Variants in PTPRN observed in about 807,000 individuals in gnomAD.
The protein encoded by PTPRN is receptor-type tyrosine-protein phosphatase-like N.
In PTPRN, 70 loss-of-function variants were observed where a neutral mutation model predicts 108.5. The observed-to-expected ratio is 0.65, with a 90% CI of 0.53 to 0.79. The LOEUF is 0.79. Among genes scored for constraint, PTPRN ranks in the 30% least tolerant of loss-of-function variants. The pLI, the probability that PTPRN is intolerant of heterozygous loss-of-function variation, is 0.00. For missense variants in PTPRN, 1,136 were observed against 1,295.5 expected (o/e 0.88, Z 1.89); for synonymous variants, 496 against 524.6 (o/e 0.95, Z 0.75).
Position 219,290,878 on chromosome 2 carries a change from C to T in PTPRN, c.2742G>A (p.Gly914=). The T allele has an allele frequency of 1.2e-6, 2 of 1,613,952 alleles. No individual in the cohort carries two copies. Among genetic ancestry groups the T allele is most frequent in the Non-Finnish European group, 1.7e-6 (2 of 1,179,864 alleles). ...CGATGAGGATGTAGGTGCCGGTCCT[C>T]CCCGCACCATCACTGAAACAGGAGT... ...PIIVHCSDGA[G]RTGTYILIDM... The change falls in exon 21 of 23, where the codon GGG becomes GGA. Residue 914 remains glycine, a synonymous_variant. Transcript: ENST00000295718. The surrounding 1 kb of genome is among the most constrained non-coding windows in gnomAD (Gnocchi z 4.2).
chr2:219,308,889 G>T (rs1353322897), intron 1 of PTPRN: 2 of 1,351,046 alleles, frequency 1.5e-6, no homozygotes, highest in Admixed American at 2.2e-5. Flanking sequence ...CACCTCCCAG[G>T]CGCCTCGGAG....
At chr2:219,300,840 G>A (rs1952327859) in intron 8 of PTPRN, 103 bp downstream of exon 8, 1 of 1,331,128 alleles carries the variant, frequency 7.5e-7, no homozygotes, top group Admixed American at 1.8e-5. Context: ...AAAATGAGGG[G>A]TGGGAGGATA....
chr2:219,290,450 T>G lies in PTPRN; in HGVS notation c.2868+88A>C. ...GAGGCGCAGAAGCAGGTGGGAAAGG[T>G]TGGCAGCTGCTGCTTTCCCTGGGGT... On this transcript the variant is annotated intron_variant, in intron 22 of 22. Coordinates refer to ENST00000295718, the MANE Select transcript of PTPRN (RefSeq NM_002846.4). The surrounding 1 kb of genome is among the most constrained non-coding windows in gnomAD (Gnocchi z 4.2). 7.0e-7 allele frequency: 1 copy of G among 1,422,420 alleles called. No individual in the cohort carries two copies. The highest frequency in any genetic ancestry group is 2.0e-5 in the Admixed American group (1 of 50,372). The allele number at this position is 1,422,420 out of a possible 1,614,324, so 88.1% of individuals were successfully genotyped here.
Position 219,296,031 on chromosome 2 carries a change from CAT to C in PTPRN, c.2508+193_2508+194del, listed in dbSNP as rs1269683675. 60 of 715,780 alleles carry C rather than the reference CAT, an allele frequency of 8.4e-5. No homozygotes were observed. Among genetic ancestry groups the C allele is most frequent in the Middle Eastern group, 7.0e-4 (2 of 2,838 alleles). 44.3% of individuals were successfully genotyped at this position (715,780 alleles called of 1,614,324 possible). On this transcript the variant is annotated intron_variant, in intron 18 of 22. Coordinates refer to ENST00000295718, the MANE Select transcript of PTPRN (RefSeq NM_002846.4). This position sits in a 1 kb window ranked among gnomAD's most constrained non-coding sequence, Gnocchi z 6.0. The stretch of plus-strand genomic sequence containing the variant: ...GTATGTTCTGTAAACAGGACACACA[CAT>C]GTATATATGTGAATATATGGGTATG...
In PTPRN at chr2:219,302,321, G is replaced by A. The variant is rs879524876; in HGVS notation, c.810C>T (p.Ala270=). 1 of 1,613,894 alleles carries A rather than the reference G, an allele frequency of 6.2e-7. No homozygotes were observed. The highest frequency in any genetic ancestry group is 1.7e-5 in the Admixed American group (1 of 59,982). Residue 270 remains alanine, a synonymous_variant, in exon 6 of 23, where the codon GCC becomes GCT. Coordinates refer to ENST00000295718, the MANE Select transcript of PTPRN (RefSeq NM_002846.4). ...SYGDLPGPSP[A]QLFQDSGLLY... is the part of the protein sequence containing the mutation. ...GCAGCCCAGAGTCTTGAAAAAGCTG[G>A]GCAGGTGAAGGCCCTGGAAGGTCCC...
chr2:219,290,755 C>G lies in PTPRN; in HGVS notation c.2794+71G>C, dbSNP rs970057946. Reference sequence around the variant, plus strand: ...TGACAACCTGCTCCTTCTGAGCTCCCAGGACCCTGTGTGCTGGGGAGCCTC... The same window carrying G: ...TGACAACCTGCTCCTTCTGAGCTCCGAGGACCCTGTGTGCTGGGGAGCCTC... On this transcript the variant is annotated intron_variant, in intron 21 of 22. Coordinates refer to ENST00000295718, the MANE Select transcript of PTPRN (RefSeq NM_002846.4). The surrounding 1 kb of genome is among the most constrained non-coding windows in gnomAD (Gnocchi z 4.2). 15 of 1,552,668 alleles carry G rather than the reference C, an allele frequency of 9.7e-6. No homozygotes were observed. Among genetic ancestry groups the G allele is most frequent in the East Asian group, 2.2e-5 (1 of 44,510 alleles).
chr2:219,294,759 C>T (rs953964123), intron 19 of PTPRN, among the ~76,000 whole-genome samples: 2 of 152,146 alleles, frequency 1.3e-5, no homozygotes, highest in Admixed American at 6.5e-5. Context: ...GCGGCCGGCG[C>T]GGAGCTGGCC....
chr2:219,293,262 C>A (rs1398979185), intron 19 of PTPRN, among the ~76,000 whole-genome samples: 1 of 152,174 alleles, frequency 6.6e-6, no homozygotes, highest in Non-Finnish European at 1.5e-5. Flanking sequence ...CTCACTGCAA[C>A]TGCTGCCTCC....
chr2:219,302,871 G>T (rs368221291), intron 4 of PTPRN, 34 bp from the exon 5 acceptor site: 30 of 1,596,352 alleles, frequency 1.9e-5, no homozygotes, highest in Non-Finnish European at 2.5e-5. Context: ...GTGTTGGAGC[G>T]GGGGAAAGGG....
At chr2:219,298,976 GT>G in intron 12 of PTPRN, 70 bp downstream of exon 12, 1 of 1,575,108 alleles carries the variant, frequency 6.3e-7, no homozygotes, top group Admixed American at 1.7e-5. Flanking sequence ...CTCCCCTCTG[GT>G]TTGCCTCCAG....
chr2:219,302,919 G>A (rs1007626085), intron 4 of PTPRN, 82 bp from the exon 5 acceptor site: 1 of 1,511,356 alleles, frequency 6.6e-7, no homozygotes, highest in Non-Finnish European at 9.0e-7. Flanking sequence ...TCGGGGCCAG[G>A]CAGGCTCAGC....
At chr2:219,309,116 C>T in intron 1 of PTPRN, 102 bp downstream of exon 1, 1 of 1,490,232 alleles carries the variant, frequency 6.7e-7, no homozygotes, top group South Asian at 1.2e-5. Context: ...CATATTCTCC[C>T]CGAGCTTCAT....
chr2:219,293,481 C>T (rs1293838451), intron 19 of PTPRN, among the ~76,000 whole-genome samples: 4 of 152,138 alleles, frequency 2.6e-5, no homozygotes, highest in South Asian at 2.1e-4. Flanking sequence ...CGCCCGGCCC[C>T]GAACTGCATT....
At position 219,290,449 on chromosome 2, in the gene PTPRN, G is replaced by T; in HGVS notation, c.2868+89C>A. ...GGAGGCGCAGAAGCAGGTGGGAAAG[G>T]TTGGCAGCTGCTGCTTTCCCTGGGG... On this transcript the variant is annotated intron_variant, in intron 22 of 22. Transcript: ENST00000295718. The surrounding 1 kb of genome is among the most constrained non-coding windows in gnomAD (Gnocchi z 4.2). 2 of 1,421,672 alleles carry T rather than the reference G, an allele frequency of 1.4e-6. No individual in the cohort carries two copies. Among genetic ancestry groups the T allele is most frequent in the Non-Finnish European group, 1.9e-6 (2 of 1,031,658 alleles). 88.1% of individuals were successfully genotyped at this position (1,421,672 alleles called of 1,614,324 possible). A position where few individuals can be genotyped will look rare whatever the true frequency, so the allele number is the denominator to read the frequency against.
intron 4 of PTPRN, among the ~76,000 whole-genome samples, chr2:219,303,364 C>G (rs1952405481): frequency 6.6e-6 from 1 of 152,142 alleles, no homozygotes; most frequent in South Asian, 2.1e-4. Context: ...GAGGCCCTAA[C>G]CACAAAAAGA....
At position 219,302,530 on chromosome 2, in the gene PTPRN, G is replaced by A. The variant is rs369111281; in HGVS notation, c.640-39C>T. ...GAGATCTGGGTAAGAGCAGAAGTCC[G>A]GGCTGAGGGACTGCGGTTGGGGTGG... On this transcript the variant is annotated intron_variant, in intron 5 of 22. Transcript: ENST00000295718. 2.4e-5 allele frequency: 39 copies of A among 1,613,526 alleles called. No individual in the cohort carries two copies. The Middle Eastern group carries it at 6.6e-4, about 27-fold the overall frequency.
At position 219,290,786 on chromosome 2, in the gene PTPRN, A is replaced by AG. The variant is rs1559291389; in HGVS notation, c.2794+39dup. 2.5e-6 allele frequency: 4 copies of AG among 1,599,894 alleles called. No individual in the cohort carries two copies. The East Asian group carries it at 8.9e-5, about 36-fold the overall frequency. On this transcript the variant is annotated intron_variant, in intron 21 of 22. Transcript: ENST00000295718. The surrounding 1 kb of genome is among the most constrained non-coding windows in gnomAD (Gnocchi z 4.2). ...CCTGTGTGCTGGGGAGCCTCTAAAA[A>AG]GGGCCTGGGGGCTGCGGGCACCGTG...
chr2:219,307,689 A>T lies in PTPRN; in HGVS notation c.166+103T>A, dbSNP rs968909743. Reference sequence around the variant, plus strand: ...CTCCAGGCAAGTCTTCCTTCTTCTCAAGCCCAGTAGCCCTCTTCCTTTCTG... The same window carrying T: ...CTCCAGGCAAGTCTTCCTTCTTCTCTAGCCCAGTAGCCCTCTTCCTTTCTG... On this transcript the variant is annotated intron_variant, in intron 2 of 22. Coordinates refer to ENST00000295718, the MANE Select transcript of PTPRN (RefSeq NM_002846.4). The T allele has an allele frequency of 2.0e-6, 3 of 1,496,206 alleles. No homozygotes were observed. In the African/African-American group the frequency reaches 4.2e-5, roughly 21 times the overall value. 92.7% of individuals were successfully genotyped at this position (1,496,206 alleles called of 1,614,324 possible).
At chr2:219,306,380 CA>C (rs767198395) in intron 3 of PTPRN, among the ~76,000 whole-genome samples, 22 of 152,104 alleles carry the variant, frequency 1.4e-4, no homozygotes, top group Non-Finnish European at 3.2e-4. Context: ...AAAGTGAAAG[CA>C]GTTTATTAGA....
Sources: gnomAD v4.1 joint callset for allele counts (sites outside exome capture counted in the v4.1 genomes callset) on GRCh38, gnomAD v4.1.1 for gene constraint, Gnocchi (gnomAD v3.1) non-coding constraint, MANE v1.5 for transcripts, NCBI Gene and HGNC (gene_info 2026-07-23, HGNC 2026-07-21) for gene names.